The following ADAP1 variants were observed in gnomAD, a reference collection of about 807,000 sequenced individuals.
ADAP1 encodes ArfGAP with dual PH domains 1.
ADAP1 carries 31 observed loss-of-function variants against 54.9 expected under a neutral mutation model. That is an observed-to-expected ratio of 0.56 (90% CI 0.42 to 0.76). ADAP1 has a LOEUF of 0.76. ADAP1 is among the 30% of genes least tolerant of loss of function. The probability of loss-of-function intolerance (pLI) is 0.00; values close to 1 mark genes in which losing one functional copy is unlikely to be tolerated. For synonymous variants in ADAP1, 313 were observed against 202.6 expected (o/e 1.55, Z -4.63); for missense variants, 535 against 512.4 (o/e 1.04, Z -0.42).
At chr7:931,157 G>A (rs1219013457) in intron 2 of ADAP1, among the ~76,000 whole-genome samples, 4 of 151,756 alleles carry the variant, frequency 2.6e-5, no homozygotes, top group African/African-American at 9.7e-5. Context: ...GAAGGAAGGA[G>A]GGAGGGAGGG....
intron 4 of ADAP1, among the ~76,000 whole-genome samples, chr7:907,883 C>T (rs976927656): frequency 6.6e-6 from 1 of 151,874 alleles, no homozygotes; most frequent in African/African-American, 2.4e-5. Context: ...GCCGCCTCTC[C>T]GGAGGTCGCG....
chr7:953,551 C>T (rs994035141), intron 1 of ADAP1, among the ~76,000 whole-genome samples: 4 of 152,244 alleles, frequency 2.6e-5, no homozygotes, highest in Non-Finnish European at 4.4e-5. Flanking sequence ...AGACTATTGG[C>T]CCCCAGATTC....
chr7:919,359 C>A lies in ADAP1; in HGVS notation c.388+609G>T, dbSNP rs540691436. On this transcript the variant is annotated intron_variant, in intron 4 of 10. Transcript: ENST00000265846. ...AGCAGAGGAGGGGCCAGCCACGGCC[C>A]CACGAGGTCCCCATGCACCCCACTC... Among the ~76,000 whole-genome samples, 22 of 152,252 alleles carry A rather than the reference C, an allele frequency of 1.4e-4. No homozygotes were observed. The South Asian group carries it at 4.1e-3, about 29-fold the overall frequency.
intron 4 of ADAP1, chr7:905,724 G>GAAAGGA (rs1845208683): frequency 4.8e-4 from 2 of 4,208 alleles, no homozygotes; most frequent in African/African-American, 3.5e-3. Context: ...AGGAGAAAGG[G>GAAAGGA]AAAGGAGAAA....
intron 1 of ADAP1, among the ~76,000 whole-genome samples, chr7:952,032 A>C (rs1847284561): frequency 1.3e-5 from 2 of 151,482 alleles, no homozygotes. Flanking sequence ...CCCTCCCCCA[A>C]ACCCCCTCCC....
chr7:905,312 C>CATGG (rs1554271646), intron 4 of ADAP1, 140 bp from the exon 5 acceptor site: 2 of 255,960 alleles, frequency 7.8e-6, no homozygotes, highest in South Asian at 3.6e-5. Flanking sequence ...GGGAGACGGA[C>CATGG]GGGGAGAGGG....
At chr7:940,248 A>G (rs1017215628) in intron 1 of ADAP1, among the ~76,000 whole-genome samples, 1 of 150,920 alleles carries the variant, frequency 6.6e-6, no homozygotes. Context: ...TTGAGGTAGG[A>G]GGATCACTTG....
intron 3 of ADAP1, among the ~76,000 whole-genome samples, chr7:925,670 G>A (rs1271878571): frequency 3.3e-5 from 5 of 152,254 alleles, no homozygotes; most frequent in Admixed American, 6.5e-5. Flanking sequence ...CTCAGCCCCC[G>A]AGTCAGGGCA....
rs537688407 is a variant in ADAP1, at chr7:900,256, G to A, written c.733-92C>T. The A allele has an allele frequency of 7.8e-5, 116 of 1,490,972 alleles. No individual in the cohort carries two copies. In the South Asian group the frequency reaches 9.5e-4, roughly 12 times the overall value. 92.4% of individuals were successfully genotyped at this position (1,490,972 alleles called of 1,614,324 possible). Reference sequence around the variant, plus strand: ...TGCCCCTCTGTGCTCCCCTCACCCCGGGCCACCAGGTCAGGGCCCAGGCCT... The same window carrying A: ...TGCCCCTCTGTGCTCCCCTCACCCCAGGCCACCAGGTCAGGGCCCAGGCCT... On this transcript the variant is annotated intron_variant, in intron 7 of 10. Transcript: ENST00000265846.
At chr7:917,426 C>A (rs549453361) in intron 4 of ADAP1, among the ~76,000 whole-genome samples, 1 of 152,126 alleles carries the variant, frequency 6.6e-6, no homozygotes, top group Non-Finnish European at 1.5e-5. Context: ...CTGAACCCAC[C>A]TACAACACCA....
intron 1 of ADAP1, among the ~76,000 whole-genome samples, chr7:949,147 G>A (rs1001759468): frequency 1.3e-5 from 2 of 152,254 alleles, no homozygotes; most frequent in Admixed American, 1.3e-4. Context: ...ACTGCACAGG[G>A]CAAGGCACTC....
At position 945,538 on chromosome 7, in the gene ADAP1, A is replaced by G. The variant is rs1324285881; in HGVS notation, c.82+8858T>C. Among the ~76,000 whole-genome samples the G allele has an allele frequency of 6.6e-6, 1 of 152,232 alleles. No homozygotes were observed. Among genetic ancestry groups the G allele is most frequent in the African/African-American group, 2.4e-5 (1 of 41,470 alleles). On this transcript the variant is annotated intron_variant, in intron 1 of 10. Transcript: ENST00000265846. This position sits in a 1 kb window ranked among gnomAD's most constrained non-coding sequence, Gnocchi z 4.2. ...CTGTGGTGCCCCCAGAACAGGCCAC[A>G]AGGCCAGCAGGTACACACTGGGCCC...
At chr7:948,936 C>A (rs1847204807) in intron 1 of ADAP1, among the ~76,000 whole-genome samples, 1 of 152,192 alleles carries the variant, frequency 6.6e-6, no homozygotes, top group South Asian at 2.1e-4. Flanking sequence ...ACCTCGTGAT[C>A]CTCCCGCCTC....
At chr7:907,761 G>A (rs570270587) in intron 4 of ADAP1, among the ~76,000 whole-genome samples, 3 of 152,314 alleles carry the variant, frequency 2.0e-5, no homozygotes, top group African/African-American at 4.8e-5. Flanking sequence ...GCCTTGGGTC[G>A]CGTGCAGGTC....
chr7:905,879 AAGG>A (rs1845245468), intron 4 of ADAP1, among the ~76,000 whole-genome samples: 2 of 21,790 alleles, frequency 9.2e-5, no homozygotes, highest in East Asian at 2.4e-3. Flanking sequence ...AGAAGGGAGA[AAGG>A]AGAAAGGAGA....
In ADAP1 at chr7:926,429, G is replaced by T; in HGVS notation, c.305+124C>A. The T allele has an allele frequency of 1.3e-6, 1 of 793,824 alleles. No homozygotes were observed. Among genetic ancestry groups the T allele is most frequent in the South Asian group, 2.0e-5 (1 of 51,128 alleles). The allele number at this position is 793,824 out of a possible 1,614,324, so 49.2% of individuals were successfully genotyped here. On this transcript the variant is annotated intron_variant, in intron 3 of 10. Coordinates refer to ENST00000265846, the MANE Select transcript of ADAP1 (RefSeq NM_006869.4). The surrounding 1 kb of genome is among the most constrained non-coding windows in gnomAD (Gnocchi z 4.6). Reference sequence around the variant, plus strand: ...ACCTCGGGGTCTGGGGGACGCAGCTGCGGCTGGCTTCTCCCCGACCCTGTG... The same window carrying T: ...ACCTCGGGGTCTGGGGGACGCAGCTTCGGCTGGCTTCTCCCCGACCCTGTG...
At chr7:911,842 C>G (rs1202678825) in intron 4 of ADAP1, among the ~76,000 whole-genome samples, 1 of 152,062 alleles carries the variant, frequency 6.6e-6, no homozygotes, top group Non-Finnish European at 1.5e-5. Flanking sequence ...GAGCCGACAC[C>G]CACCCAGAGA....
chr7:917,767 C>G (rs191940329), intron 4 of ADAP1, among the ~76,000 whole-genome samples: 2 of 152,020 alleles, frequency 1.3e-5, no homozygotes, highest in Non-Finnish European at 2.9e-5. Context: ...TTCACAAATA[C>G]GATTCATCTT....
Position 938,703 on chromosome 7 carries a change from C to A in ADAP1, c.83-3198G>T, listed in dbSNP as rs750504782. Among the ~76,000 whole-genome samples, 4 of 152,152 alleles carry A rather than the reference C, an allele frequency of 2.6e-5. No individual in the cohort carries two copies. The highest frequency in any genetic ancestry group is 5.9e-5 in the Non-Finnish European group (4 of 68,022). On this transcript the variant is annotated intron_variant, in intron 1 of 10. Coordinates refer to ENST00000265846, the MANE Select transcript of ADAP1 (RefSeq NM_006869.4). This position sits in a 1 kb window ranked among gnomAD's most constrained non-coding sequence, Gnocchi z 4.4. ...CATCTGTCGGATGGGACAGCACGAG[C>A]CACTTACAGGGGTAGCAGGCAACAT...
Sources: allele counts gnomAD v4.1 joint callset (sites outside exome capture counted in the v4.1 genomes callset), GRCh38; gene constraint gnomAD v4.1.1; non-coding constraint Gnocchi (gnomAD v3.1); transcripts MANE v1.5; gene names NCBI Gene and HGNC (gene_info 2026-07-23, HGNC 2026-07-21).